The following NTM variants were observed in gnomAD, a reference collection of about 807,000 sequenced individuals.
NTM encodes the protein neurotrimin, also known as IgLON family member 2.
In NTM, 13 loss-of-function variants were observed where a neutral mutation model predicts 42.1. The observed-to-expected ratio is 0.31, with a 90% CI of 0.20 to 0.49. The LOEUF is 0.49. NTM is among the 20% of genes least tolerant of loss of function. NTM has a pLI of 0.99. For synonymous variants in NTM, 187 were observed against 179.2 expected, an observed-to-expected ratio of 1.04 and a Z score of -0.35; for missense variants, 373 against 452.8, an observed-to-expected ratio of 0.82 and a Z score of 1.60.
intron 4 of NTM, among the ~76,000 whole-genome samples, chr11:132,256,166 C>G: frequency 6.6e-6 from 1 of 152,164 alleles, no homozygotes. Flanking sequence ...ACATACCACA[C>G]ACAATGGTTC....
chr11:132,042,732 A>G (rs2077370179), intron 2 of NTM, among the ~76,000 whole-genome samples: 1 of 152,246 alleles, frequency 6.6e-6, no homozygotes, highest in Admixed American at 6.5e-5. Flanking sequence ...AGTATTGTAC[A>G]GACCATATAA....
chr11:131,715,031 A>T (rs74879553), intron 1 of NTM, among the ~76,000 whole-genome samples: 4,150 of 152,288 alleles, frequency 0.027, 191 homozygotes, highest in African/African-American at 0.095. Context: ...TGTGCCTGAA[A>T]TTGTGCTTGG....
intron 2 of NTM, among the ~76,000 whole-genome samples, chr11:131,953,095 C>T (rs1034318984): frequency 1.3e-5 from 2 of 152,138 alleles, no homozygotes; most frequent in Non-Finnish European, 2.9e-5. Flanking sequence ...TGTTCAAGTT[C>T]CTCCAGCTGC....
chr11:131,673,716 G>C (rs959031480), intron 1 of NTM, among the ~76,000 whole-genome samples: 2 of 152,178 alleles, frequency 1.3e-5, no homozygotes, highest in African/African-American at 4.8e-5. Flanking sequence ...GGGCCCAGGT[G>C]ACACCTGAGA....
intron 1 of NTM, chr11:131,533,942 T>G (rs1340289883): frequency 6.6e-6 from 1 of 152,302 alleles, no homozygotes; most frequent in Admixed American, 6.5e-5. Context: ...CAGGGAGGGA[T>G]CCAGGGACGC....
intron 1 of NTM, among the ~76,000 whole-genome samples, chr11:131,571,507 C>G (rs955133824): frequency 3.3e-5 from 5 of 152,144 alleles, no homozygotes; most frequent in African/African-American, 7.2e-5. Flanking sequence ...GACAGGCCAG[C>G]AAAGATGCAA....
intron 1 of NTM, chr11:131,537,197 A>AAC (rs1342925193): frequency 1.3e-5 from 2 of 152,022 alleles, no homozygotes; most frequent in East Asian, 3.9e-4. Context: ...AAAAAAAAAA[A>AAC]AAAACAATTG....
chr11:131,506,562 G>A (rs1181415627), intron 1 of NTM, among the ~76,000 whole-genome samples: 1 of 152,178 alleles, frequency 6.6e-6, no homozygotes, highest in Non-Finnish European at 1.5e-5. Context: ...TTCCAGTGCT[G>A]GCAGCCTGGG....
intron 1 of NTM, among the ~76,000 whole-genome samples, chr11:131,512,746 C>A (rs2048416998): frequency 6.6e-6 from 1 of 152,162 alleles, no homozygotes. Context: ...GGCCTTCTCG[C>A]TTCCACTCTC....
intron 1 of NTM, among the ~76,000 whole-genome samples, chr11:131,612,795 G>C (rs1259648777): frequency 6.6e-6 from 1 of 152,218 alleles, no homozygotes; most frequent in Admixed American, 6.5e-5. Flanking sequence ...GCCCCACTAA[G>C]AGCAGCCTCT....
chr11:132,041,365 T>C (rs2077180419), intron 2 of NTM, among the ~76,000 whole-genome samples: 1 of 152,200 alleles, frequency 6.6e-6, no homozygotes, highest in South Asian at 2.1e-4. Context: ...AAGCCAAGTG[T>C]ATCTGAAGAC....
chr11:132,149,093 T>C (rs1226852172), intron 3 of NTM, among the ~76,000 whole-genome samples: 1 of 152,126 alleles, frequency 6.6e-6, no homozygotes. Flanking sequence ...CTGAGTATTA[T>C]CGACACTTTA....
rs571420248 is a variant in NTM at position 132,214,942 on chromosome 11, C to T, written c.526+2795C>T. On this transcript the variant is annotated intron_variant, in intron 4 of 8. Coordinates refer to ENST00000683400, the MANE Select transcript of NTM (RefSeq NM_001352005.2). Reference sequence around the variant, plus strand: ...TGAGACATGCCAAGCAATAACTAATCACCTCAGAACTCACCAGAGTGCCAT... The same window carrying T: ...TGAGACATGCCAAGCAATAACTAATTACCTCAGAACTCACCAGAGTGCCAT... 1.4e-4 allele frequency among the ~76,000 whole-genome samples: 22 copies of T among 152,320 alleles called. No homozygotes were observed. The South Asian group carries it at 4.4e-3, about 30-fold the overall frequency.
At chr11:131,465,762 C>T (rs1289869511) in intron 1 of NTM, among the ~76,000 whole-genome samples, 1 of 150,232 alleles carries the variant, frequency 6.7e-6, no homozygotes, top group Non-Finnish European at 1.5e-5. Flanking sequence ...CCCCTGAATG[C>T]ACCAGAGCCA....
chr11:131,974,804 T>A (rs2064075310), intron 2 of NTM, among the ~76,000 whole-genome samples: 2 of 152,206 alleles, frequency 1.3e-5, no homozygotes, highest in Non-Finnish European at 2.9e-5. Context: ...TAGCACTGCA[T>A]AATTATTAGG....
At chr11:131,913,983 C>A (rs1156456358) in intron 2 of NTM, among the ~76,000 whole-genome samples, 2 of 152,138 alleles carry the variant, frequency 1.3e-5, no homozygotes, top group Non-Finnish European at 2.9e-5. Context: ...GATGCTCAGG[C>A]CTCTCAGGAT....
At chr11:132,057,214 G>A (rs896502920) in intron 2 of NTM, among the ~76,000 whole-genome samples, 1 of 151,992 alleles carries the variant, frequency 6.6e-6, no homozygotes, top group South Asian at 2.1e-4. Flanking sequence ...AAAAGAAAGA[G>A]AACAGACACA....
intron 1 of NTM, among the ~76,000 whole-genome samples, chr11:131,425,443 A>C (rs929418055): frequency 1.3e-5 from 2 of 152,208 alleles, no homozygotes; most frequent in Non-Finnish European, 2.9e-5. Flanking sequence ...TATACACATT[A>C]AAAGCCCAAC....
intron 2 of NTM, among the ~76,000 whole-genome samples, chr11:131,986,476 C>T (rs905774841): frequency 3.9e-5 from 6 of 152,158 alleles, no homozygotes; most frequent in African/African-American, 9.7e-5. Context: ...GCTTCTTCTA[C>T]CTGACATTCA....
Sources: gnomAD v4.1 joint callset for allele counts (sites outside exome capture counted in the v4.1 genomes callset) on GRCh38, gnomAD v4.1.1 for gene constraint, MANE v1.5 for transcripts, NCBI Gene and HGNC (gene_info 2026-07-23, HGNC 2026-07-21) for gene names.